Variants in SLC4A2 observed in about 807,000 individuals in gnomAD.
SLC4A2 encodes the protein solute carrier family 4 member 2.
A neutral mutation model predicts 115.0 loss-of-function variants in SLC4A2; 36 were observed. That is an observed-to-expected ratio of 0.31 (90% CI 0.24 to 0.41). SLC4A2 has a LOEUF of 0.41. SLC4A2 is among the 10% of genes least tolerant of loss of function. The pLI is 1.00. For synonymous variants in SLC4A2, 708 were observed against 708.3 expected, an observed-to-expected ratio of 1.00 and a Z score of 0.01; for missense variants, 1,252 against 1,705.6, an observed-to-expected ratio of 0.73 and a Z score of 4.68.
At chr7:151,070,940 C>T in intron 12 of SLC4A2, 29 bp downstream of exon 12, 1 of 1,607,174 alleles carries the variant, frequency 6.2e-7, no homozygotes, top group Non-Finnish European at 8.5e-7. Flanking sequence ...CTGGGCCCTG[C>T]TTCCTGGAGC....
chr7:151,070,200 G>A lies in SLC4A2; in HGVS notation c.1303G>A (p.Asp435Asn), dbSNP rs1166770479. Reference protein sequence around the residue: ...LKHSHPSDEKDFSFPRNISAG... With the variant: ...LKHSHPSDEKNFSFPRNISAG... ...CACCAGCCACCCAAGTGATGAGAAG[G>A]ACTTCTCCTTCCCCCGCAACATCTC... The change falls in exon 10 of 23, where the codon GAC (aspartate) becomes AAC (asparagine). Residue 435 changes from aspartate to asparagine, a missense_variant. Around this residue, in one of 14 missense-constraint regions of SLC4A2, gnomAD observed 142 missense variants for 153.5 expected, o/e 0.93. Transcript: ENST00000413384. 1 of 1,613,996 alleles carries A rather than the reference G, an allele frequency of 6.2e-7. No homozygotes were observed. Among genetic ancestry groups the A allele is most frequent in the African/African-American group, 1.3e-5 (1 of 74,936 alleles).
intron 8 of SLC4A2, among the ~76,000 whole-genome samples, chr7:151,069,072 G>A (rs1350784491): frequency 7.2e-6 from 1 of 138,834 alleles, no homozygotes; most frequent in Non-Finnish European, 1.5e-5. Context: ...CTGGGAGGTA[G>A]AGCTTGCAGT....
rs919307354 is a variant in SLC4A2, at chr7:151,072,249, G to A, written c.2535+113G>A. The A allele has an allele frequency of 1.7e-5, 14 of 826,070 alleles. No individual in the cohort carries two copies. In the African/African-American group the frequency reaches 2.4e-4, roughly 14 times the overall value. The allele number at this position is 826,070 out of a possible 1,614,324, so 51.2% of individuals were successfully genotyped here. ...GGCCAGGCTGGTCTGGAGCATCCCC[G>A]GGGCTTGTTGCCAACACGTATACCA... is the stretch of plus-strand genomic sequence containing the variant. On this transcript the variant is annotated intron_variant, in intron 16 of 22. Transcript: ENST00000413384.
At position 151,066,387 on chromosome 7, in the gene SLC4A2, C is replaced by T; in HGVS notation, c.579-130C>T. 3.5e-6 allele frequency: 4 copies of T among 1,136,458 alleles called. 1 individual carries two copies. Among genetic ancestry groups the T allele is most frequent in the Middle Eastern group, 3.0e-4 (1 of 3,320 alleles). 70.4% of individuals were successfully genotyped at this position (1,136,458 alleles called of 1,614,324 possible). On this transcript the variant is annotated intron_variant, in intron 5 of 22. Coordinates refer to ENST00000413384, the MANE Select transcript of SLC4A2 (RefSeq NM_003040.4). ...ATCCTCCCCCTCCCCGTGCCCGCAC[C>T]TCCCGGGAGTGGGAGCTAGGAGGGC...
chr7:151,063,092 A>C (rs1343351400), intron 2 of SLC4A2: 1 of 1,501,968 alleles, frequency 6.7e-7, no homozygotes, highest in Non-Finnish European at 8.9e-7. Flanking sequence ...CTGCCTGGCC[A>C]GGCGGCTGCC....
At chr7:151,064,129 TG>T in intron 2 of SLC4A2, 72 bp from the exon 3 acceptor site, 2 of 1,521,240 alleles carry the variant, frequency 1.3e-6, no homozygotes, top group Admixed American at 3.5e-5. Flanking sequence ...TCTCTGGCAC[TG>T]GGAAGGGTGA....
chr7:151,067,375 C>G (rs565049967), intron 7 of SLC4A2, among the ~76,000 whole-genome samples: 1 of 152,294 alleles, frequency 6.6e-6, no homozygotes, highest in Non-Finnish European at 1.5e-5. Flanking sequence ...CATGAGCTGC[C>G]GCGCCGGGCC....
At position 151,071,670 on chromosome 7, in the gene SLC4A2, C is replaced by G; in HGVS notation, c.2192-19C>G. Reference sequence around the variant, plus strand: ...CAGGGCCTGGCCACCAGCTCCTGAGCTGGTTCCTACACCCCTAGGAGAGAA... The same window carrying G: ...CAGGGCCTGGCCACCAGCTCCTGAGGTGGTTCCTACACCCCTAGGAGAGAA... On this transcript the variant is annotated intron_variant, in intron 14 of 22. Coordinates refer to ENST00000413384, the MANE Select transcript of SLC4A2 (RefSeq NM_003040.4). This position sits in a 1 kb window ranked among gnomAD's most constrained non-coding sequence, Gnocchi z 5.5. 3 of 1,611,390 alleles carry G rather than the reference C, an allele frequency of 1.9e-6. No individual in the cohort carries two copies. The highest frequency in any genetic ancestry group is 1.3e-5 in the African/African-American group (1 of 74,952).
intron 5 of SLC4A2, 123 bp from the exon 6 acceptor site, chr7:151,066,394 G>A: frequency 8.4e-7 from 1 of 1,188,224 alleles, no homozygotes; most frequent in Non-Finnish European, 1.1e-6. Flanking sequence ...CACCTCCCGG[G>A]AGTGGGAGCT....
In SLC4A2 at chr7:151,066,600, G is replaced by A. The variant is rs1031328236; in HGVS notation, c.662G>A (p.Arg221His). Residue 221 changes from arginine to histidine, a missense_variant, in exon 6 of 23, where the codon CGC (arginine) becomes CAC (histidine). Physicochemically the swap from Arg to His is conservative, Grantham distance 29. Transcript: ENST00000413384. ...GGTGACGACGGGGGTGCCTCGGGGCGCCCCCTGCCCAAAGCCCAGCCTGGG... is the reference window on the plus strand; with the variant it reads ...GGTGACGACGGGGGTGCCTCGGGGCACCCCCTGCCCAAAGCCCAGCCTGGG... The part of the protein sequence containing the change: ...AGGDDGGASG[R>H]PLPKAQPGHR... 17 of 1,547,958 alleles carry A rather than the reference G, an allele frequency of 1.1e-5. No homozygotes were observed. Among genetic ancestry groups the A allele is most frequent in the Admixed American group, 9.8e-5 (5 of 50,826 alleles).
rs760424281 is a variant in SLC4A2, at chr7:151,075,625, G to A, written c.3321G>A (p.Gly1107=). 2 of 1,595,324 alleles carry A rather than the reference G, an allele frequency of 1.3e-6. No homozygotes were observed. Among genetic ancestry groups the A allele is most frequent in the Non-Finnish European group, 1.7e-6 (2 of 1,174,126 alleles). ...CCGTAGGCCTCTCCATAGTTATCGGGGATCTGCTCCGGCAGATCCCCCTGG... is the reference window on the plus strand; with the variant it reads ...CCGTAGGCCTCTCCATAGTTATCGGAGATCTGCTCCGGCAGATCCCCCTGG... ...ALLVGLSIVI[G]DLLRQIPLAV... The change falls in exon 21 of 23, where the codon GGG becomes GGA. Residue 1107 remains glycine (G), a synonymous_variant. Coordinates refer to ENST00000413384, the MANE Select transcript of SLC4A2 (RefSeq NM_003040.4).
At chr7:151,074,364 T>C (rs758128210) in intron 17 of SLC4A2, 35 bp from the exon 18 acceptor site, 6 of 1,612,298 alleles carry the variant, frequency 3.7e-6, no homozygotes, top group Non-Finnish European at 4.2e-6. Flanking sequence ...GCGGCTGTGG[T>C]GGCAGGACTC....
Position 151,071,021 on chromosome 7 carries a change from C to T in SLC4A2, c.1750-51C>T, listed in dbSNP as rs1797417425. 6.3e-7 allele frequency: 1 copy of T among 1,599,222 alleles called. No homozygotes were observed. Reference sequence around the variant, plus strand: ...GGCCTTGCCCACCCTCAGCTCCAGGCCCTCAGCCCTCTTCTTTGTGCTCTC... The same window carrying T: ...GGCCTTGCCCACCCTCAGCTCCAGGTCCTCAGCCCTCTTCTTTGTGCTCTC... On this transcript the variant is annotated intron_variant, in intron 12 of 22. Coordinates refer to ENST00000413384, the MANE Select transcript of SLC4A2 (RefSeq NM_003040.4). The surrounding 1 kb of genome is among the most constrained non-coding windows in gnomAD (Gnocchi z 5.5).
rs750155749 is a variant in SLC4A2, at chr7:151,064,572, C to T, written c.264C>T (p.His88=). ...SHHIHHPLST[H]LPPDARRRKT... ...ACATCCATCACCCACTGTCCACCCA[C>T]CTGCCTCCGGATGCACGCCGCCGCA... Residue 88 remains histidine, a synonymous_variant, in exon 4 of 23, where the codon CAC becomes CAT. Transcript: ENST00000413384. 11 of 1,612,406 alleles carry T rather than the reference C, an allele frequency of 6.8e-6. No individual in the cohort carries two copies. In the Admixed American group the frequency reaches 1.7e-4, roughly 24 times the overall value.
At chr7:151,066,374 C>A in intron 5 of SLC4A2, 143 bp from the exon 6 acceptor site, 2 of 978,936 alleles carry the variant, frequency 2.0e-6, no homozygotes, top group Non-Finnish European at 2.9e-6. Context: ...CCTCCCCCTC[C>A]CCGTGCCCGC....
At chr7:151,064,431 G>A in intron 3 of SLC4A2, 64 bp downstream of exon 3, 5 of 1,570,940 alleles carry the variant, frequency 3.2e-6, no homozygotes, top group Non-Finnish European at 3.5e-6. Context: ...GCAAAGAAGG[G>A]ACTGGGGTCC....
Position 151,069,977 on chromosome 7 carries a change from C to T in SLC4A2, c.1178C>T (p.Thr393Ile). 1 of 1,614,064 alleles carries T rather than the reference C, an allele frequency of 6.2e-7. No individual in the cohort carries two copies. Among genetic ancestry groups the T allele is most frequent in the Non-Finnish European group, 8.5e-7 (1 of 1,180,030 alleles). The change falls in exon 9 of 23, where the codon ACC becomes ATC. Residue 393 changes from threonine (T) to isoleucine (I), a missense_variant. Physicochemically the swap from Thr to Ile is moderately conservative, Grantham distance 89. Around this residue, in one of 14 missense-constraint regions of SLC4A2, gnomAD observed 142 missense variants for 153.5 expected, o/e 0.93. Transcript: ENST00000413384. Reference sequence around the variant, plus strand: ...GTGCTCTTGGATCTGGACCAGCAGACCCTGCCCGGAGTGGCCCACCAGGTG... The same window carrying T: ...GTGCTCTTGGATCTGGACCAGCAGATCCTGCCCGGAGTGGCCCACCAGGTG... ...GAVLLDLDQQTLPGVAHQVVE... is the reference protein window; with the variant it reads ...GAVLLDLDQQILPGVAHQVVE...
At chr7:151,069,150 A>AAAAAAAAAAAAAAAAAAAAG (rs1797340950) in intron 8 of SLC4A2, among the ~76,000 whole-genome samples, 1 of 146,462 alleles carries the variant, frequency 6.8e-6, no homozygotes, top group African/African-American at 2.5e-5. Context: ...CAAAAAAAAA[A>AAAAAAAAAAAAAAAAAAAAG]AAAAAAAAAG....
At chr7:151,065,197 G>A (rs1797189670) in intron 5 of SLC4A2, among the ~76,000 whole-genome samples, 3 of 152,330 alleles carry the variant, frequency 2.0e-5, no homozygotes, top group East Asian at 1.9e-4. Flanking sequence ...GGGATTAAGG[G>A]TGGTGTGAAT....
Sources: gnomAD v4.1 joint callset for allele counts (sites outside exome capture counted in the v4.1 genomes callset) on GRCh38, gnomAD v4.1.1 for gene constraint, gnomAD v4.1.1 regional missense constraint, Gnocchi (gnomAD v3.1) non-coding constraint, MANE v1.5 for transcripts, NCBI Gene and HGNC (gene_info 2026-07-23, HGNC 2026-07-21) for gene names.